Variants in SLC28A1 observed in about 807,000 individuals in gnomAD.
The protein encoded by SLC28A1 is solute carrier family 28 member 1.
SLC28A1 carries 64 observed loss-of-function variants against 74.8 expected under a neutral mutation model. That is an observed-to-expected ratio of 0.86 (90% confidence interval 0.70 to 1.05). SLC28A1 has a LOEUF of 1.05. SLC28A1 is among the 50% of genes least tolerant of loss of function. The pLI, the probability that SLC28A1 is intolerant of heterozygous loss-of-function variation, is 0.00. For missense variants in SLC28A1, 828 were observed against 822.8 expected (o/e 1.01, Z -0.08); for synonymous variants, 359 against 335.0 (o/e 1.07, Z -0.78).
intron 9 of SLC28A1, 41 bp downstream of exon 9, chr15:84,908,836 C>T (rs757603517): frequency 8.6e-6 from 13 of 1,515,472 alleles, no homozygotes; most frequent in Admixed American, 6.7e-5. Flanking sequence ...TAGCAGCCAC[C>T]GCCCAGCGAC....
chr15:84,927,337 C>A (rs929824877), intron 12 of SLC28A1, among the ~76,000 whole-genome samples: 9 of 152,258 alleles, frequency 5.9e-5, no homozygotes, highest in Non-Finnish European at 1.5e-5. Context: ...AGAAGGAAGA[C>A]CCAAAGATAC....
chr15:84,937,626 G>T (rs898149340), intron 15 of SLC28A1, among the ~76,000 whole-genome samples: 3 of 152,206 alleles, frequency 2.0e-5, no homozygotes, highest in African/African-American at 7.2e-5. Flanking sequence ...TTGTGGCCAG[G>T]CACGGTGGCT....
At chr15:84,958,560 G>A in the SLC28A1 span, among the ~76,000 whole-genome samples, 1 of 151,976 alleles carries the variant, frequency 6.6e-6, no homozygotes, top group Non-Finnish European at 1.5e-5. Flanking sequence ...TTGTTTGTTT[G>A]TTTGTTTGTT....
chr15:84,954,631 C>T, the SLC28A1 span, among the ~76,000 whole-genome samples: 3 of 152,158 alleles, frequency 2.0e-5, no homozygotes, highest in Admixed American at 6.5e-5. Flanking sequence ...CACAGTTCAG[C>T]GGCTGAGCCA....
chr15:84,940,129 C>T (rs2142039158), intron 15 of SLC28A1, among the ~76,000 whole-genome samples: 1 of 152,262 alleles, frequency 6.6e-6, no homozygotes, highest in Admixed American at 6.5e-5. Flanking sequence ...CGCCCGGCTC[C>T]AGTGGTGTTT....
chr15:84,895,675 G>A (rs557791249), intron 6 of SLC28A1: 66 of 1,408,844 alleles, frequency 4.7e-5, no homozygotes, highest in South Asian at 9.5e-5. Flanking sequence ...CAGACTTCCC[G>A]CCCAGCCCAC....
Position 84,931,725 on chromosome 15 carries a change from C to T in SLC28A1, c.1084-1420C>T, listed in dbSNP as rs561944245. Among the ~76,000 whole-genome samples the T allele has an allele frequency of 3.4e-5, 5 of 146,350 alleles. No individual in the cohort carries two copies. The East Asian group carries it at 6.4e-4, about 19-fold the overall frequency. ...AATGCAGAAAGAAAAGAAAATCGGC[C>T]GGGGATGGTGGCTCATGCCTGTAAT... is the stretch of plus-strand genomic sequence containing the variant. On this transcript the variant is annotated intron_variant, in intron 12 of 18. Coordinates refer to ENST00000394573, the MANE Select transcript of SLC28A1 (RefSeq NM_004213.5).
At position 84,906,577 on chromosome 15, in the gene SLC28A1, C is replaced by CTTTCTTTCTCTTG. The variant is rs1567140848; in HGVS notation, c.717+925_717+926insTTTCTTTCTCTTG. ...CTTTCTTTCTTTCTCTTTCTTTCTT[C>CTTTCTTTCTCTTG]CTTCCTTCCTTCCTTCCTTCCTTCC... On this transcript the variant is annotated intron_variant, in intron 8 of 18. Transcript: ENST00000394573. Among the ~76,000 whole-genome samples the CTTTCTTTCTCTTG allele has an allele frequency of 5.8e-4, 19 of 32,480 alleles. 1 individual carries two copies. Among genetic ancestry groups the CTTTCTTTCTCTTG allele is most frequent in the Non-Finnish European group, 1.1e-3 (15 of 13,838 alleles). The allele number at this position is 32,480 out of a possible 152,430, so 21.3% of individuals were successfully genotyped here.
the SLC28A1 span, among the ~76,000 whole-genome samples, chr15:84,972,169 C>T: frequency 6.6e-6 from 1 of 152,358 alleles, no homozygotes; most frequent in East Asian, 1.9e-4. Flanking sequence ...CTTTTCCCTT[C>T]CTCCAGCCTT....
At chr15:84,972,128 A>G in the SLC28A1 span, among the ~76,000 whole-genome samples, 99 of 152,352 alleles carry the variant, frequency 6.5e-4, no homozygotes, top group African/African-American at 2.3e-3. Context: ...TAATCCAGCC[A>G]GAACCACTGG....
intron 6 of SLC28A1, among the ~76,000 whole-genome samples, chr15:84,901,946 G>A (rs1966729352): frequency 6.6e-6 from 1 of 152,116 alleles, no homozygotes; most frequent in Admixed American, 6.5e-5. Context: ...GCCGAAAACT[G>A]GAAATCACCA....
chr15:84,895,429 C>T (rs1965884682), intron 6 of SLC28A1: 2 of 1,613,952 alleles, frequency 1.2e-6, no homozygotes, highest in Admixed American at 1.7e-5. Flanking sequence ...TCCCTCAGAT[C>T]ACCTGGACAG....
At chr15:84,904,344 G>C in intron 7 of SLC28A1, 106 bp downstream of exon 7, 1 of 1,538,518 alleles carries the variant, frequency 6.5e-7, no homozygotes, top group South Asian at 1.1e-5. Flanking sequence ...TGTTGGGAGA[G>C]CCCTGGAGGC....
rs1163276887 is a variant in SLC28A1, at chr15:84,905,564, G to A, written c.629G>A (p.Gly210Glu). The change falls in exon 8 of 19, where the codon GGA (glycine) becomes GAA (glutamate). Residue 210 changes from glycine to glutamate, a missense_variant. Coordinates refer to ENST00000394573, the MANE Select transcript of SLC28A1 (RefSeq NM_004213.5). ...CAVSWRAVSW[G>E]LGLQFVLGLL... is the part of the protein sequence containing the mutation. ...GTGTCCTGGAGGGCCGTGTCTTGGG[G>A]ACTTGGACTGCAGTTTGTACTTGGA... The A allele has an allele frequency of 6.2e-7, 1 of 1,613,948 alleles. No homozygotes were observed. Among genetic ancestry groups the A allele is most frequent in the Admixed American group, 1.7e-5 (1 of 60,022 alleles).
At chr15:84,949,098 G>A (rs1460706279), downstream of SLC28A1, among the ~76,000 whole-genome samples, 1 of 152,188 alleles carries the variant, frequency 6.6e-6, no homozygotes. Flanking sequence ...TGAAGATGAT[G>A]CCCATCCAGG....
the SLC28A1 span, among the ~76,000 whole-genome samples, chr15:84,958,233 T>C: frequency 7.9e-5 from 12 of 152,214 alleles, no homozygotes; most frequent in African/African-American, 2.9e-4. Flanking sequence ...TGATTCCCTC[T>C]TTTCCCGAGA....
chr15:84,891,184 A>G (rs1256089434), intron 5 of SLC28A1, among the ~76,000 whole-genome samples: 1 of 152,128 alleles, frequency 6.6e-6, no homozygotes, highest in African/African-American at 2.4e-5. Context: ...CCCTGGAAGG[A>G]GGGCAGGAAA....
chr15:84,924,667 G>A (rs1970264692), intron 12 of SLC28A1, among the ~76,000 whole-genome samples: 1 of 152,236 alleles, frequency 6.6e-6, no homozygotes, highest in Admixed American at 6.5e-5. Flanking sequence ...TGCATGGTGG[G>A]CAGAGGGAAA....
At chr15:84,956,456 T>C in the SLC28A1 span, among the ~76,000 whole-genome samples, 57 of 78,024 alleles carry the variant, frequency 7.3e-4, no homozygotes, top group African/African-American at 2.4e-3. Flanking sequence ...TCTTTCTTTC[T>C]TTCTTTCTTT....
Sources: gnomAD v4.1 joint callset for allele counts (sites outside exome capture counted in the v4.1 genomes callset) on GRCh38, gnomAD v4.1.1 for gene constraint, MANE v1.5 for transcripts, NCBI Gene and HGNC (gene_info 2026-07-23, HGNC 2026-07-21) for gene names.